TMEM117: variants seen among roughly 807,000 people sequenced by gnomAD.
The protein encoded by TMEM117 is transmembrane protein 117.
In TMEM117, 27 loss-of-function variants were observed where a neutral mutation model predicts 52.4. The ratio of observed to expected loss-of-function variants is 0.51; its 90% CI spans 0.38 to 0.71. The LOEUF (loss-of-function observed/expected upper bound fraction) is 0.71. Ranked by LOEUF, TMEM117 falls within the 30% of genes least tolerant of loss-of-function variation. The pLI, the probability that TMEM117 is intolerant of heterozygous loss-of-function variation, is 0.00. For missense variants in TMEM117, 556 were observed against 630.5 expected (o/e 0.88, Z 1.26); for synonymous variants, 215 against 206.3 (o/e 1.04, Z -0.36).
chr12:44,311,789 A>ATATATG (rs1950983392), intron 6 of TMEM117, among the ~76,000 whole-genome samples: 2 of 32,870 alleles, frequency 6.1e-5, no homozygotes, highest in African/African-American at 1.4e-4. Flanking sequence ...GTATATATGT[A>ATATATG]TATATATGTA....
At chr12:44,066,028 G>C (rs943966975) in intron 3 of TMEM117, among the ~76,000 whole-genome samples, 1 of 152,206 alleles carries the variant, frequency 6.6e-6, no homozygotes, top group Non-Finnish European at 1.5e-5. Flanking sequence ...CAGCAGTGGT[G>C]CAAGAAAATT....
intron 6 of TMEM117, among the ~76,000 whole-genome samples, chr12:44,337,969 G>GT (rs1951364097): frequency 6.6e-6 from 1 of 152,084 alleles, no homozygotes; most frequent in African/African-American, 2.4e-5. Flanking sequence ...CTGACTGAAT[G>GT]TTTAAAGTAG....
At chr12:43,878,725 A>G (rs1484285791) in intron 2 of TMEM117, among the ~76,000 whole-genome samples, 2 of 152,224 alleles carry the variant, frequency 1.3e-5, no homozygotes, top group Admixed American at 6.5e-5. Context: ...TAGTAGCACT[A>G]TGTAAAATCA....
chr12:43,885,642 T>G (rs1163574278), intron 2 of TMEM117, among the ~76,000 whole-genome samples: 1 of 152,076 alleles, frequency 6.6e-6, no homozygotes, highest in African/African-American at 2.4e-5. Flanking sequence ...TAAAGAAGAT[T>G]TATTACTTTT....
chr12:43,991,170 C>G (rs1252835009), intron 3 of TMEM117, among the ~76,000 whole-genome samples: 2 of 152,134 alleles, frequency 1.3e-5, no homozygotes, highest in Non-Finnish European at 2.9e-5. Context: ...GGTGGAGAAC[C>G]TTGCAAGCTC....
At chr12:44,052,134 A>G (rs1006310951) in intron 3 of TMEM117, among the ~76,000 whole-genome samples, 1 of 152,236 alleles carries the variant, frequency 6.6e-6, no homozygotes, top group Non-Finnish European at 1.5e-5. Context: ...ACATATTAGC[A>G]ATGCTGACAA....
intron 3 of TMEM117, among the ~76,000 whole-genome samples, chr12:44,132,580 C>T (rs999689372): frequency 6.6e-6 from 1 of 152,128 alleles, no homozygotes; most frequent in Non-Finnish European, 1.5e-5. Context: ...CTTCTTATTA[C>T]GTGCTCCAGA....
intron 4 of TMEM117, among the ~76,000 whole-genome samples, chr12:44,158,903 T>TA (rs758510790): frequency 4.6e-5 from 7 of 152,300 alleles, no homozygotes; most frequent in Non-Finnish European, 7.4e-5. Context: ...CTTGCTGTGG[T>TA]ACAGCTGGCT....
At chr12:44,027,478 T>C (rs1176753913) in intron 3 of TMEM117, among the ~76,000 whole-genome samples, 1 of 152,112 alleles carries the variant, frequency 6.6e-6, no homozygotes, top group Admixed American at 6.6e-5. Context: ...CTGGCCTTCT[T>C]AGCCTTTATA....
the TMEM117 span, among the ~76,000 whole-genome samples, chr12:43,827,634 C>A: frequency 2.0e-5 from 3 of 151,448 alleles, no homozygotes; most frequent in Non-Finnish European, 2.9e-5. Flanking sequence ...GTATTTTTAC[C>A]CCATATTGAA....
intron 5 of TMEM117, among the ~76,000 whole-genome samples, chr12:44,225,883 T>TA (rs1850318126): frequency 6.6e-6 from 1 of 152,182 alleles, no homozygotes; most frequent in Non-Finnish European, 1.5e-5. Flanking sequence ...TGAGACTCTC[T>TA]ACTAAGACTG....
intron 6 of TMEM117, among the ~76,000 whole-genome samples, chr12:44,327,487 C>A (rs2138715443): frequency 6.6e-6 from 1 of 152,236 alleles, no homozygotes; most frequent in East Asian, 1.9e-4. Context: ...AACTAAAAGA[C>A]ACACTCATTT....
intron 3 of TMEM117, among the ~76,000 whole-genome samples, chr12:44,002,146 G>A (rs1294977909): frequency 6.6e-6 from 1 of 152,162 alleles, no homozygotes; most frequent in Non-Finnish European, 1.5e-5. Context: ...CCTAAGAAGG[G>A]ATTCCTGGAC....
At chr12:44,188,615 A>G (rs1592592216) in intron 4 of TMEM117, among the ~76,000 whole-genome samples, 1 of 152,066 alleles carries the variant, frequency 6.6e-6, no homozygotes, top group Non-Finnish European at 1.5e-5. Context: ...TGTATATAAT[A>G]TCTCCCACCT....
chr12:43,911,840 G>A (rs1473393975), intron 2 of TMEM117, among the ~76,000 whole-genome samples: 1 of 146,366 alleles, frequency 6.8e-6, no homozygotes, highest in African/African-American at 2.5e-5. Context: ...TAAAAAGTCA[G>A]GAAAGAACAG....
At chr12:43,975,023 C>T (rs547485292) in intron 3 of TMEM117, among the ~76,000 whole-genome samples, 2 of 152,286 alleles carry the variant, frequency 1.3e-5, no homozygotes, top group South Asian at 2.1e-4. Flanking sequence ...CAATATTTGA[C>T]AGCAAATGAA....
chr12:44,264,066 T>C (rs982781823), intron 5 of TMEM117: 3 of 152,206 alleles, frequency 2.0e-5, no homozygotes, highest in Non-Finnish European at 1.5e-5. Flanking sequence ...GAGTTCTCAG[T>C]ATACCTACAA....
Position 44,299,712 on chromosome 12 carries a change from G to C in TMEM117, c.741G>C (p.Leu247Phe), listed in dbSNP as rs1950815497. Residue 247 changes from leucine to phenylalanine, a missense_variant, in exon 6 of 8, where the codon TTG becomes TTC. Physicochemically the swap from Leu to Phe is conservative, Grantham distance 22. Coordinates refer to ENST00000266534, the MANE Select transcript of TMEM117 (RefSeq NM_032256.3). Reference sequence around the variant, plus strand: ...GAGCATTCCTTGCTTCTTTTATCTTGGTCTTTGACCTTCTTATTGTGATGC... The same window carrying C: ...GAGCATTCCTTGCTTCTTTTATCTTCGTCTTTGACCTTCTTATTGTGATGC... ...VSRAFLASFI[L>F]VFDLLIVMQD... 1 of 1,613,930 alleles carries C rather than the reference G, an allele frequency of 6.2e-7. No individual in the cohort carries two copies. The highest frequency in any genetic ancestry group is 1.3e-5 in the African/African-American group (1 of 74,900).
intron 6 of TMEM117, among the ~76,000 whole-genome samples, chr12:44,344,871 G>A (rs1470913849): frequency 6.6e-6 from 1 of 152,040 alleles, no homozygotes; most frequent in East Asian, 1.9e-4. Flanking sequence ...TCTGCCCAGT[G>A]AGTAGGATTG....
Sources: allele counts gnomAD v4.1 joint callset (sites outside exome capture counted in the v4.1 genomes callset), GRCh38; gene constraint gnomAD v4.1.1; transcripts MANE v1.5; gene names NCBI Gene and HGNC (gene_info 2026-07-23, HGNC 2026-07-21).